WDR27: variants seen among roughly 807,000 people sequenced by gnomAD.
WDR27 encodes WD repeat domain 27, also known as WD repeat-containing protein 27.
In WDR27, 100 loss-of-function variants were observed where a neutral mutation model predicts 114.4. The ratio of observed to expected loss-of-function variants is 0.87; its 90% CI spans 0.74 to 1.03. The LOEUF is 1.03. Among genes scored for constraint, WDR27 ranks in the 50% least tolerant of loss-of-function variants. The probability of loss-of-function intolerance (pLI) is 0.00; values close to 1 mark genes in which losing one functional copy is unlikely to be tolerated. For synonymous variants in WDR27, 449 were observed against 423.1 expected (o/e 1.06, Z -0.75); for missense variants, 1,129 against 1,092.9 (o/e 1.03, Z -0.47).
intron 25 of WDR27, among the ~76,000 whole-genome samples, chr6:169,468,633 C>G (rs1172920667): frequency 1.3e-5 from 2 of 152,174 alleles, no homozygotes; most frequent in East Asian, 3.9e-4. Context: ...GGCAGGGACA[C>G]AGCAAAATCA....
chr6:169,635,928 T>C (rs760477337), intron 19 of WDR27, among the ~76,000 whole-genome samples: 43 of 152,232 alleles, frequency 2.8e-4, no homozygotes, highest in Non-Finnish European at 4.7e-4. Context: ...CCCTCTGTAA[T>C]ATTTTATTTC....
rs865806076 is a variant in WDR27 at position 169,670,416 on chromosome 6, G to T, written c.456+153C>A. 6.1e-5 allele frequency: 46 copies of T among 755,286 alleles called. No individual in the cohort carries two copies. The African/African-American group carries it at 7.6e-4, about 12-fold the overall frequency. 46.8% of individuals were successfully genotyped at this position (755,286 alleles called of 1,614,324 possible). ...AGTGGTTTTCCAATTGCAAGATAAAGATATGATTTTATAAAAGTAAACTAA... is the reference window on the plus strand; with the variant it reads ...AGTGGTTTTCCAATTGCAAGATAAATATATGATTTTATAAAAGTAAACTAA... On this transcript the variant is annotated intron_variant, in intron 4 of 25. Coordinates refer to ENST00000448612, the MANE Select transcript of WDR27 (RefSeq NM_182552.5).
chr6:169,525,535 CAAAAAAAAAAAAAAGAA>C (rs1794863690), intron 25 of WDR27, among the ~76,000 whole-genome samples: 1 of 96,984 alleles, frequency 1.0e-5, no homozygotes. Flanking sequence ...GACTCCATCT[CAAAAAAAAAAAAAAGAA>C]AAAAGAAAAA....
intron 16 of WDR27, among the ~76,000 whole-genome samples, chr6:169,645,047 A>ATAAAAAAAAAAT (rs1562796667): frequency 4.7e-5 from 6 of 128,110 alleles, no homozygotes; most frequent in South Asian, 2.7e-4. Flanking sequence ...AAAAAAAAAA[A>ATAAAAAAAAAAT]AAAAAAAAAA....
At chr6:169,557,504 G>A (rs1329497800) in intron 25 of WDR27, among the ~76,000 whole-genome samples, 3 of 152,214 alleles carry the variant, frequency 2.0e-5, no homozygotes, top group African/African-American at 7.2e-5. Context: ...AAAGAAAGGA[G>A]CCCTCACCCT....
intron 25 of WDR27, among the ~76,000 whole-genome samples, chr6:169,485,265 C>CAA (rs1480071111): frequency 2.6e-5 from 4 of 152,182 alleles, no homozygotes; most frequent in African/African-American, 9.7e-5. Flanking sequence ...GCAAACTATG[C>CAA]ATCTGACGAA....
At position 169,670,625 on chromosome 6, in the gene WDR27, C is replaced by T; in HGVS notation, c.400G>A (p.Asp134Asn). 6.2e-7 allele frequency: 1 copy of T among 1,613,988 alleles called. No homozygotes were observed. Among genetic ancestry groups the T allele is most frequent in the Non-Finnish European group, 8.5e-7 (1 of 1,179,886 alleles). Residue 134 changes from aspartate to asparagine, a missense_variant, in exon 4 of 26, where the codon GAT becomes AAT. Coordinates refer to ENST00000448612, the MANE Select transcript of WDR27 (RefSeq NM_182552.5). ...GKVLCLQLSL[D>N]DHVVAVCAGN... ...GCACACACGGCAACAACATGATCAT[C>T]CAGGCTCAACTGTAAACACAGCACC... is the stretch of plus-strand genomic sequence containing the variant.
chr6:169,427,273 G>T, the WDR27 span, among the ~76,000 whole-genome samples: 4 of 152,164 alleles, frequency 2.6e-5, no homozygotes, highest in African/African-American at 9.7e-5. Flanking sequence ...AAAGTAGGTG[G>T]ATCTGAGAAC....
intron 24 of WDR27, among the ~76,000 whole-genome samples, chr6:169,573,029 G>A (rs1041849512): frequency 2.7e-5 from 4 of 149,342 alleles, no homozygotes; most frequent in Non-Finnish European, 4.5e-5. Flanking sequence ...CCGTCCCCAC[G>A]CCACCCTGCA....
intron 25 of WDR27, among the ~76,000 whole-genome samples, chr6:169,571,930 T>C (rs527887569): frequency 2.0e-5 from 3 of 152,322 alleles, no homozygotes; most frequent in Admixed American, 2.0e-4. Flanking sequence ...TTAACAGAAC[T>C]ATATTCAGAA....
intron 13 of WDR27, among the ~76,000 whole-genome samples, chr6:169,656,071 G>C (rs1350261871): frequency 6.6e-6 from 1 of 152,124 alleles, no homozygotes; most frequent in African/African-American, 2.4e-5. Context: ...ACCCGGAGAG[G>C]GCAGCCCCCT....
At chr6:169,517,883 T>C (rs963232086) in intron 25 of WDR27, among the ~76,000 whole-genome samples, 1 of 152,210 alleles carries the variant, frequency 6.6e-6, no homozygotes, top group African/African-American at 2.4e-5. Flanking sequence ...CTTTCAAAAA[T>C]TGTCTCTCTG....
chr6:169,550,654 CAA>C (rs1416133037), intron 25 of WDR27, among the ~76,000 whole-genome samples: 1 of 151,956 alleles, frequency 6.6e-6, no homozygotes, highest in African/African-American at 2.4e-5. Context: ...CTGCTAACCT[CAA>C]GTGATCCACT....
At chr6:169,479,764 G>A (rs1240679092) in intron 25 of WDR27, among the ~76,000 whole-genome samples, 1 of 152,194 alleles carries the variant, frequency 6.6e-6, no homozygotes, top group East Asian at 1.9e-4. Flanking sequence ...TGTTACATAG[G>A]TTAACTTGTG....
chr6:169,699,455 C>G (rs546687662), intron 1 of WDR27, among the ~76,000 whole-genome samples: 1 of 152,152 alleles, frequency 6.6e-6, no homozygotes, highest in Non-Finnish European at 1.5e-5. Flanking sequence ...CACCAGCACA[C>G]AGAGCTGACG....
the WDR27 span, among the ~76,000 whole-genome samples, chr6:169,431,371 T>C: frequency 6.6e-6 from 1 of 152,304 alleles, no homozygotes; most frequent in Admixed American, 6.5e-5. Context: ...AAGCACTCAC[T>C]TGACACATCA....
chr6:169,523,079 TAAAC>T (rs1179107374), intron 25 of WDR27, among the ~76,000 whole-genome samples: 1 of 151,792 alleles, frequency 6.6e-6, no homozygotes, highest in Non-Finnish European at 1.5e-5. Context: ...AGAATCCAAA[TAAAC>T]AGTATCAGAA....
At chr6:169,487,557 T>C (rs1295635464) in intron 25 of WDR27, among the ~76,000 whole-genome samples, 1 of 152,264 alleles carries the variant, frequency 6.6e-6, no homozygotes, top group East Asian at 1.9e-4. Context: ...GAGGTTACAG[T>C]GGGGAAGATA....
chr6:169,485,417 G>T (rs899006659), intron 25 of WDR27, among the ~76,000 whole-genome samples: 1 of 152,164 alleles, frequency 6.6e-6, no homozygotes, highest in African/African-American at 2.4e-5. Context: ...AAAAAGCTCA[G>T]CATCACTTAT....
Sources: allele counts gnomAD v4.1 joint callset (sites outside exome capture counted in the v4.1 genomes callset), GRCh38; gene constraint gnomAD v4.1.1; transcripts MANE v1.5; gene names NCBI Gene and HGNC (gene_info 2026-07-23, HGNC 2026-07-21).